Variants in MED25 observed in about 807,000 individuals in gnomAD.
The protein encoded by MED25 is mediator complex subunit 25.
In MED25, 62 loss-of-function variants were observed where a neutral mutation model predicts 89.4. The ratio of observed to expected loss-of-function variants is 0.69; its 90% CI spans 0.57 to 0.86. The LOEUF (loss-of-function observed/expected upper bound fraction) is 0.86. MED25 is among the 40% of genes least tolerant of loss of function. The pLI is 0.00. For missense variants in MED25, 905 were observed against 1,005.2 expected, an observed-to-expected ratio of 0.90 and a Z score of 1.35; for synonymous variants, 449 against 427.9, an observed-to-expected ratio of 1.05 and a Z score of -0.61.
At position 49,831,247 on chromosome 19, in the gene MED25, T is replaced by G. The variant is rs1041506899; in HGVS notation, c.1102-86T>G. 2.8e-6 allele frequency: 4 copies of G among 1,424,196 alleles called. No homozygotes were observed. In the African/African-American group the frequency reaches 4.2e-5, roughly 15 times the overall value. The allele number at this position is 1,424,196 out of a possible 1,614,324, so 88.2% of individuals were successfully genotyped here. A position where few individuals can be genotyped will look rare whatever the true frequency, so the allele number is the denominator to read the frequency against. Reference sequence around the variant, plus strand: ...GAGGGGCAGAAGAAGGGATCTTTCCTCCTTCCTGGTTTGCCCTCACAGGAT... The same window carrying G: ...GAGGGGCAGAAGAAGGGATCTTTCCGCCTTCCTGGTTTGCCCTCACAGGAT... On this transcript the variant is annotated intron_variant, in intron 9 of 17. Transcript: ENST00000312865. This position sits in a 1 kb window ranked among gnomAD's most constrained non-coding sequence, Gnocchi z 5.0.
At position 49,830,050 on chromosome 19, in the gene MED25, C is replaced by A; in HGVS notation, c.689-38C>A. 6.3e-7 allele frequency: 1 copy of A among 1,599,380 alleles called. No homozygotes were observed. The highest frequency in any genetic ancestry group is 8.5e-7 in the Non-Finnish European group (1 of 1,172,518). On this transcript the variant is annotated intron_variant, in intron 6 of 17. Transcript: ENST00000312865. The surrounding 1 kb of genome is among the most constrained non-coding windows in gnomAD (Gnocchi z 4.6). Reference sequence around the variant, plus strand: ...TCTCTCCTTTCTCTGCATCTTGAATCCCTTCTCTCTGGGGTTGGCCATCCC... The same window carrying A: ...TCTCTCCTTTCTCTGCATCTTGAATACCTTCTCTCTGGGGTTGGCCATCCC...
intron 3 of MED25, among the ~76,000 whole-genome samples, chr19:49,822,276 A>AG (rs2073988322): frequency 6.8e-6 from 1 of 146,534 alleles, no homozygotes; most frequent in East Asian, 2.0e-4. Context: ...AAAAAAAAAA[A>AG]AAAAAAAACC....
chr19:49,839,695 ATGCT>A (rs1210298687), downstream of MED25: 2 of 152,194 alleles, frequency 1.3e-5, no homozygotes, highest in Admixed American at 1.3e-4. Context: ...ATGATGGTGT[ATGCT>A]TGGTCCTGGG....
rs974538844 is a variant in MED25 at position 49,836,302 on chromosome 19, C to G, written c.2042C>G (p.Pro681Arg). 1 of 1,611,708 alleles carries G rather than the reference C, an allele frequency of 6.2e-7. No homozygotes were observed. Among genetic ancestry groups the G allele is most frequent in the Non-Finnish European group, 8.5e-7 (1 of 1,179,458 alleles). ...CCAGGGGCTCCTGCGCTGCTGCCTCCGCCGCACCAGGGCCTGGGGCAGCCC... is the reference window on the plus strand; with the variant it reads ...CCAGGGGCTCCTGCGCTGCTGCCTCGGCCGCACCAGGGCCTGGGGCAGCCC... ...QPPGAPALLP[P>R]PHQGLGQPQL... is the part of the protein sequence containing the mutation. Residue 681 changes from proline to arginine, a missense_variant, in exon 17 of 18, where the codon CCG (proline) becomes CGG (arginine). Pro to Arg is a moderately radical substitution (Grantham distance 103, BLOSUM62 -2). Around this residue, in one of 3 missense-constraint regions of MED25, gnomAD observed 271 missense variants for 258.1 expected, o/e 1.05. Coordinates refer to ENST00000312865, the MANE Select transcript of MED25 (RefSeq NM_030973.4). This position sits in a 1 kb window ranked among gnomAD's most constrained non-coding sequence, Gnocchi z 5.1.
At position 49,835,275 on chromosome 19, in the gene MED25, T is replaced by C; in HGVS notation, c.1674+98T>C. 3.0e-6 allele frequency: 4 copies of C among 1,318,556 alleles called. No homozygotes were observed. Among genetic ancestry groups the C allele is most frequent in the South Asian group, 1.2e-5 (1 of 84,790 alleles). 81.7% of individuals were successfully genotyped at this position (1,318,556 alleles called of 1,614,324 possible). Reference sequence around the variant, plus strand: ...TCCAGGACCAAGATGCCCACCCTTCTCCCAATATGTGGTGCCTCCAAGCTA... The same window carrying C: ...TCCAGGACCAAGATGCCCACCCTTCCCCCAATATGTGGTGCCTCCAAGCTA... On this transcript the variant is annotated intron_variant, in intron 14 of 17. Transcript: ENST00000312865. This position sits in a 1 kb window ranked among gnomAD's most constrained non-coding sequence, Gnocchi z 6.2.
In MED25 at chr19:49,831,494, G is replaced by A; in HGVS notation, c.1230+33G>A. ...GCCTGAGGGTCCATTGGGCACTTGG[G>A]ACTCCTGGGGCCGTGGGGCTGGGCA... On this transcript the variant is annotated intron_variant, in intron 10 of 17. Transcript: ENST00000312865. This position sits in a 1 kb window ranked among gnomAD's most constrained non-coding sequence, Gnocchi z 5.0. 6.2e-7 allele frequency: 1 copy of A among 1,605,028 alleles called. No homozygotes were observed. Among genetic ancestry groups the A allele is most frequent in the Non-Finnish European group, 8.5e-7 (1 of 1,174,854 alleles).
intron 12 of MED25, 71 bp from the exon 13 acceptor site, chr19:49,832,237 C>T (rs867884341): frequency 1.3e-6 from 2 of 1,541,298 alleles, no homozygotes; most frequent in East Asian, 2.3e-5. Context: ...GCCCCACCCC[C>T]ACTCCCTGCC....
chr19:49,818,607 CG>C lies in MED25; in HGVS notation c.176del (p.Gly59GlufsTer155), dbSNP rs1160010983. On this transcript the variant is annotated frameshift_variant, in exon 2 of 18. Coordinates refer to ENST00000312865, the MANE Select transcript of MED25 (RefSeq NM_030973.4). LOFTEE classifies it high-confidence loss of function. ...NGGPPAETDFGGDYGGTQYSL... is the reference protein window; with the variant it reads ...NGGPPAETDFXGDYGGTQYSL... ...GTGGTCCTCCTGCTGAGACGGACTT[CG>C]GGGGAGACGTGAGTCTAGGGACTCC... is the stretch of plus-strand genomic sequence containing the variant. 1.2e-6 allele frequency: 2 copies of C among 1,613,836 alleles called. No homozygotes were observed. The highest frequency in any genetic ancestry group is 1.3e-5 in the African/African-American group (1 of 74,910).
chr19:49,835,133 C>T lies in MED25; in HGVS notation c.1630C>T (p.His544Tyr). Residue 544 changes from histidine (H) to tyrosine (Y), a missense_variant, in exon 14 of 18, where the codon CAC (histidine) becomes TAC (tyrosine). Transcript: ENST00000312865. The surrounding 1 kb of genome is among the most constrained non-coding windows in gnomAD (Gnocchi z 6.2). The part of the protein sequence containing the change: ...VNGIRQVITN[H>Y]KQVQQQKLEQ... ...CGGCATCCGGCAGGTCATCACCAACCACAAGCAGGTCCAGCAGCAGAAGCT... is the reference window on the plus strand; with the variant it reads ...CGGCATCCGGCAGGTCATCACCAACTACAAGCAGGTCCAGCAGCAGAAGCT... 1 of 1,614,086 alleles carries T rather than the reference C, an allele frequency of 6.2e-7. No homozygotes were observed. Among genetic ancestry groups the T allele is most frequent in the Non-Finnish European group, 8.5e-7 (1 of 1,180,004 alleles).
In MED25 at chr19:49,831,518, C is replaced by G; in HGVS notation, c.1230+57C>G. On this transcript the variant is annotated intron_variant, in intron 10 of 17. Transcript: ENST00000312865. This position sits in a 1 kb window ranked among gnomAD's most constrained non-coding sequence, Gnocchi z 5.0. ...GGACTCCTGGGGCCGTGGGGCTGGG[C>G]ATGTAGGACTCATGGGGCCAGATGC... is the stretch of plus-strand genomic sequence containing the variant. The G allele has an allele frequency of 6.3e-7, 1 of 1,582,540 alleles. No individual in the cohort carries two copies. Among genetic ancestry groups the G allele is most frequent in the Non-Finnish European group, 8.6e-7 (1 of 1,161,434 alleles).
chr19:49,840,072 C>A (rs142773379), downstream of MED25: 1 of 152,152 alleles, frequency 6.6e-6, no homozygotes, highest in Non-Finnish European at 1.5e-5. Flanking sequence ...TTTTCCGTTA[C>A]GAACCTGAAT....
At position 49,836,521 on chromosome 19, in the gene MED25, G is replaced by C; in HGVS notation, c.2146+115G>C. 1 of 1,334,698 alleles carries C rather than the reference G, an allele frequency of 7.5e-7. No homozygotes were observed. Among genetic ancestry groups the C allele is most frequent in the South Asian group, 1.3e-5 (1 of 79,250 alleles). 82.7% of individuals were successfully genotyped at this position (1,334,698 alleles called of 1,614,324 possible). A position where few individuals can be genotyped will look rare whatever the true frequency, so the allele number is the denominator to read the frequency against. ...TAAAGACATAGGATCCAAGAATGAG[G>C]GTTCCCCCATGGCCTTTGCGGAGCT... is the stretch of plus-strand genomic sequence containing the variant. On this transcript the variant is annotated intron_variant, in intron 17 of 17. Coordinates refer to ENST00000312865, the MANE Select transcript of MED25 (RefSeq NM_030973.4). This position sits in a 1 kb window ranked among gnomAD's most constrained non-coding sequence, Gnocchi z 5.1.
Position 49,830,692 on chromosome 19 carries a change from A to G in MED25, c.908-2A>G. On this transcript the variant is annotated splice_acceptor_variant, in intron 8 of 17. Coordinates refer to ENST00000312865, the MANE Select transcript of MED25 (RefSeq NM_030973.4). LOFTEE classifies it high-confidence loss of function. The surrounding 1 kb of genome is among the most constrained non-coding windows in gnomAD (Gnocchi z 4.6). ...CACTTCTTCCCTTGGTCTCTCCCAC[A>G]GTCTCGCCCATCACCCCTCTCCAAC... 1.2e-6 allele frequency: 2 copies of G among 1,613,958 alleles called. No homozygotes were observed. The highest frequency in any genetic ancestry group is 1.7e-6 in the Non-Finnish European group (2 of 1,179,912).
Position 49,834,978 on chromosome 19 carries a change from C to T in MED25, c.1483-8C>T. 2 of 1,613,834 alleles carry T rather than the reference C, an allele frequency of 1.2e-6. No homozygotes were observed. The highest frequency in any genetic ancestry group is 8.5e-7 in the Non-Finnish European group (1 of 1,179,914). The stretch of plus-strand genomic sequence containing the variant: ...CTGAATGGTTCTGAAGAGCTGTTGT[C>T]CACCCAGGCGGGCTGCGTGCACTTC... On this transcript the variant is annotated splice_region_variant and splice_polypyrimidine_tract_variant and intron_variant, in intron 13 of 17. Coordinates refer to ENST00000312865, the MANE Select transcript of MED25 (RefSeq NM_030973.4). The surrounding 1 kb of genome is among the most constrained non-coding windows in gnomAD (Gnocchi z 4.1).
intron 3 of MED25, 85 bp downstream of exon 3, chr19:49,819,381 G>C (rs1181127597): frequency 2.0e-6 from 3 of 1,483,550 alleles, no homozygotes; most frequent in Non-Finnish European, 2.8e-6. Context: ...TGGTGTCCCC[G>C]TGAGAGGCTG....
At position 49,828,537 on chromosome 19, in the gene MED25, C is replaced by T. The variant is rs137859678; in HGVS notation, c.394C>T (p.Arg132Cys). ...LQLFDDFKKM[R>C]EQIGQTHRVC... is the part of the protein sequence containing the mutation. ...GCTGTTTGATGACTTCAAGAAGATG[C>T]GCGAGCAGATGTGAGTGCCCCCTCC... is the stretch of plus-strand genomic sequence containing the variant. The change falls in exon 4 of 18, where the codon CGC becomes TGC. Residue 132 changes from arginine to cysteine, a missense_variant. Arg to Cys is a radical substitution (Grantham distance 180, BLOSUM62 -3). Coordinates refer to ENST00000312865, the MANE Select transcript of MED25 (RefSeq NM_030973.4). 2.2e-5 allele frequency: 36 copies of T among 1,613,102 alleles called. No individual in the cohort carries two copies. Among genetic ancestry groups the T allele is most frequent in the Non-Finnish European group, 2.9e-5 (34 of 1,179,226 alleles).
downstream of MED25, chr19:49,837,035 G>T: frequency 9.7e-7 from 1 of 1,028,576 alleles, no homozygotes. Flanking sequence ...AAACCCCAGG[G>T]GGCATCTCTG....
Position 49,835,768 on chromosome 19 carries a change from A to AGGGGCCTCT in MED25, c.1795_1803dup (p.Ser599_Ala601dup), listed in dbSNP as rs764613506. 4 of 1,609,516 alleles carry AGGGGCCTCT rather than the reference A, an allele frequency of 2.5e-6. No homozygotes were observed. Among genetic ancestry groups the AGGGGCCTCT allele is most frequent in the Non-Finnish European group, 3.4e-6 (4 of 1,177,746 alleles). On this transcript the variant is annotated inframe_insertion, in exon 16 of 18. Transcript: ENST00000312865. The surrounding 1 kb of genome is among the most constrained non-coding windows in gnomAD (Gnocchi z 6.2). Reference sequence around the variant, plus strand: ...CGCAGCCCCAGCCTCAGGGTACCGTAGGGGCCTCTGGGGCCACGGGGCAGC... The same window carrying AGGGGCCTCT: ...CGCAGCCCCAGCCTCAGGGTACCGTAGGGGCCTCTGGGGCCTCTGGGGCCACGGGGCAGC...
Position 49,829,067 on chromosome 19 carries a change from A to T in MED25, c.502A>T (p.Asn168Tyr), listed in dbSNP as rs1189793403. 1.2e-6 allele frequency: 2 copies of T among 1,613,670 alleles called. No homozygotes were observed. The highest frequency in any genetic ancestry group is 1.7e-6 in the Non-Finnish European group (2 of 1,179,898). Residue 168 changes from asparagine (N) to tyrosine (Y), a missense_variant, in exon 5 of 18, where the codon AAT (asparagine) becomes TAT (tyrosine). Physicochemically the swap from Asn to Tyr is moderately radical, Grantham distance 143. Transcript: ENST00000312865. The surrounding 1 kb of genome is among the most constrained non-coding windows in gnomAD (Gnocchi z 4.6). ...CACGTACTCTGGATGCACAACTGAG[A>T]ATCTTGTGCAGCAGATTGGGGAGGT... Reference protein sequence around the residue: ...STTYSGCTTENLVQQIGERGI... With the variant: ...STTYSGCTTEYLVQQIGERGI...
Sources: allele counts gnomAD v4.1 joint callset (sites outside exome capture counted in the v4.1 genomes callset), GRCh38; gene constraint gnomAD v4.1.1; regional missense constraint gnomAD v4.1.1; non-coding constraint Gnocchi (gnomAD v3.1); transcripts MANE v1.5; gene names NCBI Gene and HGNC (gene_info 2026-07-23, HGNC 2026-07-21).